TRIO: variants seen among roughly 807,000 people sequenced by gnomAD.
TRIO encodes triple functional domain protein.
TRIO carries 58 observed loss-of-function variants against 351.9 expected under a neutral mutation model. The ratio of observed to expected loss-of-function variants is 0.16; its 90% CI spans 0.13 to 0.21. TRIO has a LOEUF of 0.21. Among genes scored for constraint, TRIO ranks in the 10% least tolerant of loss-of-function variants. The probability of loss-of-function intolerance (pLI) is 1.00; values close to 1 mark genes in which losing one functional copy is unlikely to be tolerated. For missense variants in TRIO, 3,201 were observed against 4,027.8 expected, an observed-to-expected ratio of 0.79 and a Z score of 5.56; for synonymous variants, 1,758 against 1,595.7, an observed-to-expected ratio of 1.10 and a Z score of -2.42.
chr5:14,480,973 A>G (rs2126603728), intron 43 of TRIO, among the ~76,000 whole-genome samples: 1 of 152,148 alleles, frequency 6.6e-6, no homozygotes, highest in Admixed American at 6.5e-5. Context: ...GTCTATTTAA[A>G]AAAAAAAATT....
chr5:14,207,463 T>TACACAC (rs70964545), intron 1 of TRIO, among the ~76,000 whole-genome samples: 288 of 23,040 alleles, frequency 0.013, 19 homozygotes, highest in Non-Finnish European at 0.015. Context: ...ACTGTCTCTC[T>TACACAC]ACACACACAC....
chr5:14,194,987 TC>T (rs1790688827), intron 1 of TRIO, among the ~76,000 whole-genome samples: 1 of 152,046 alleles, frequency 6.6e-6, no homozygotes, highest in African/African-American at 2.4e-5. Context: ...ACATAATACT[TC>T]TTTTACCTTT....
intron 6 of TRIO, among the ~76,000 whole-genome samples, chr5:14,294,020 A>AAT (rs1554049535): frequency 1.5e-4 from 11 of 72,362 alleles, no homozygotes; most frequent in East Asian, 8.5e-4. Flanking sequence ...TAAAAAAAAA[A>AAT]AATAATAATT....
intron 34 of TRIO, chr5:14,440,744 TGA>T (rs1350129032): frequency 6.6e-6 from 1 of 152,144 alleles, no homozygotes; most frequent in Non-Finnish European, 1.5e-5. Flanking sequence ...GTTTGGTGTG[TGA>T]GTCTCAGGGC....
chr5:14,158,679 A>G (rs939705903), intron 1 of TRIO, among the ~76,000 whole-genome samples: 2 of 152,070 alleles, frequency 1.3e-5, no homozygotes, highest in African/African-American at 4.8e-5. Flanking sequence ...CAAAAATTTA[A>G]AATTCGCTGG....
intron 1 of TRIO, among the ~76,000 whole-genome samples, chr5:14,178,691 A>G (rs538222144): frequency 5.3e-5 from 8 of 152,254 alleles, no homozygotes; most frequent in Admixed American, 5.2e-4. Context: ...TCATGTGAAG[A>G]TATTTATGAC....
intron 1 of TRIO, among the ~76,000 whole-genome samples, chr5:14,177,897 A>T (rs764824387): frequency 3.9e-5 from 6 of 152,238 alleles, no homozygotes; most frequent in Non-Finnish European, 7.3e-5. Context: ...TCCTCACCAT[A>T]CCGTGGCTTG....
intron 34 of TRIO, among the ~76,000 whole-genome samples, chr5:14,445,328 C>A (rs972855030): frequency 6.6e-6 from 1 of 152,136 alleles, no homozygotes; most frequent in Non-Finnish European, 1.5e-5. Flanking sequence ...AAACCACATA[C>A]CCCCCGCCAA....
intron 33 of TRIO, among the ~76,000 whole-genome samples, chr5:14,417,178 C>G (rs1171259222): frequency 6.6e-6 from 1 of 152,210 alleles, no homozygotes; most frequent in African/African-American, 2.4e-5. Context: ...GCATCTTTGA[C>G]TGTTCAGAGA....
intron 1 of TRIO, among the ~76,000 whole-genome samples, chr5:14,149,784 G>A (rs544188582): frequency 6.6e-6 from 1 of 152,222 alleles, no homozygotes; most frequent in South Asian, 2.1e-4. Context: ...TTCCTATTTG[G>A]GCTTTGTCAT....
intron 18 of TRIO, among the ~76,000 whole-genome samples, chr5:14,372,199 G>T (rs899021284): frequency 5.6e-5 from 8 of 142,254 alleles, no homozygotes; most frequent in Admixed American, 3.6e-4. Context: ...GATCAGAGCT[G>T]GTTTGAAAGG....
intron 1 of TRIO, among the ~76,000 whole-genome samples, chr5:14,188,510 T>C (rs1790262163): frequency 6.6e-6 from 1 of 152,364 alleles, no homozygotes; most frequent in Non-Finnish European, 1.5e-5. Context: ...ATTTGTCTTT[T>C]ATATGACTGA....
chr5:14,242,110 A>G (rs1224363172), intron 1 of TRIO, among the ~76,000 whole-genome samples: 2 of 152,212 alleles, frequency 1.3e-5, no homozygotes, highest in African/African-American at 4.8e-5. Context: ...GATATGGAAA[A>G]GTTAAATAAC....
At chr5:14,367,975 G>T (rs1744748008) in intron 16 of TRIO, among the ~76,000 whole-genome samples, 1 of 152,104 alleles carries the variant, frequency 6.6e-6, no homozygotes, top group African/African-American at 2.4e-5. Flanking sequence ...ACTTCTTCAG[G>T]CGAAATGAGA....
intron 9 of TRIO, among the ~76,000 whole-genome samples, chr5:14,321,856 T>G (rs1739919492): frequency 6.6e-6 from 1 of 152,198 alleles, no homozygotes; most frequent in Non-Finnish European, 1.5e-5. Flanking sequence ...GATGGTTTTA[T>G]AAATGGGAGT....
chr5:14,330,640 C>A, intron 9 of TRIO, 138 bp from the exon 10 acceptor site: 2 of 1,076,982 alleles, frequency 1.9e-6, no homozygotes, highest in Non-Finnish European at 1.3e-6. Context: ...CCAATTACTT[C>A]TTCCCATTTT....
rs530827533 is a variant in TRIO, at chr5:14,195,461, C to T, written c.157+51579C>T. Among the ~76,000 whole-genome samples, 8 of 152,164 alleles carry T rather than the reference C, an allele frequency of 5.3e-5. No homozygotes were observed. In the South Asian group the frequency reaches 8.3e-4, roughly 16 times the overall value. ...TTGGTCACATAGTTAAGATGGTGTC[C>T]GCCAACTCCATTGTCAAATTGATAA... On this transcript the variant is annotated intron_variant, in intron 1 of 56. Transcript: ENST00000344204.
chr5:14,429,897 C>T (rs748733479), intron 34 of TRIO, among the ~76,000 whole-genome samples: 61 of 152,278 alleles, frequency 4.0e-4, no homozygotes, highest in Non-Finnish European at 6.8e-4. Context: ...GCTTTTATCC[C>T]TTGACCCCAT....
intron 37 of TRIO, among the ~76,000 whole-genome samples, chr5:14,469,309 A>C (rs1454566726): frequency 6.6e-6 from 1 of 152,208 alleles, no homozygotes; most frequent in Admixed American, 6.5e-5. Flanking sequence ...AATTCCCAAA[A>C]TTAAGAAATT....
Sources: gnomAD v4.1 joint callset for allele counts (sites outside exome capture counted in the v4.1 genomes callset) on GRCh38, gnomAD v4.1.1 for gene constraint, MANE v1.5 for transcripts, NCBI Gene and HGNC (gene_info 2026-07-23, HGNC 2026-07-21) for gene names.